Variants in ATP9B observed in about 807,000 individuals in gnomAD.
The protein encoded by ATP9B is ATPase phospholipid transporting 9B.
A neutral mutation model predicts 146.1 loss-of-function variants in ATP9B; 110 were observed. The ratio of observed to expected loss-of-function variants is 0.75; its 90% confidence interval spans 0.65 to 0.88. ATP9B has a LOEUF of 0.88. ATP9B is among the 40% of genes least tolerant of loss of function. ATP9B has a pLI of 0.00. For missense variants in ATP9B, 1,499 were observed against 1,496.4 expected (o/e 1.00, Z -0.03); for synonymous variants, 604 against 569.7 (o/e 1.06, Z -0.86).
chr18:79,303,843 C>G, intron 14 of ATP9B, 127 bp downstream of exon 14: 1 of 579,878 alleles, frequency 1.7e-6, no homozygotes, highest in East Asian at 2.8e-5. Context: ...CCTGCTACTT[C>G]AGTCGTCTGT....
intron 7 of ATP9B, among the ~76,000 whole-genome samples, chr18:79,159,261 C>A (rs1367902521): frequency 2.0e-5 from 3 of 152,128 alleles, no homozygotes; most frequent in Non-Finnish European, 4.4e-5. Flanking sequence ...CAAAATGTAT[C>A]CATTTAAAAT....
chr18:79,298,770 A>G (rs2096570104), intron 13 of ATP9B, among the ~76,000 whole-genome samples: 1 of 146,478 alleles, frequency 6.8e-6, no homozygotes, highest in Non-Finnish European at 1.5e-5. Context: ...ACCAAAGAGG[A>G]TATGGGAACA....
At position 79,132,747 on chromosome 18, in the gene ATP9B, C is replaced by T. The variant is rs1433889422; in HGVS notation, c.667+6372C>T. The stretch of plus-strand genomic sequence containing the variant: ...CATTGATGGCAGCCTCCTTGTGTGC[C>T]TTTCTGTAGTTTGCTGGACCATATT... On this transcript the variant is annotated intron_variant, in intron 5 of 29. Coordinates refer to ENST00000426216, the MANE Select transcript of ATP9B (RefSeq NM_198531.5). Among the ~76,000 whole-genome samples, 4 of 152,250 alleles carry T rather than the reference C, an allele frequency of 2.6e-5. No individual in the cohort carries two copies. In the East Asian group the frequency reaches 7.7e-4, roughly 29 times the overall value.
At chr18:79,127,250 G>GT (rs1481931231) in intron 5 of ATP9B, among the ~76,000 whole-genome samples, 1 of 152,140 alleles carries the variant, frequency 6.6e-6, no homozygotes, top group Non-Finnish European at 1.5e-5. Flanking sequence ...TGTTTTTGGT[G>GT]TATTCATAAA....
At chr18:79,134,293 T>C (rs757813213) in intron 5 of ATP9B, among the ~76,000 whole-genome samples, 3 of 152,206 alleles carry the variant, frequency 2.0e-5, no homozygotes, top group Non-Finnish European at 4.4e-5. Context: ...ATTAAAAGAT[T>C]ATCTTAGAGA....
At chr18:79,325,323 GAAATGACTGC>G (rs1183448701) in intron 15 of ATP9B, among the ~76,000 whole-genome samples, 1 of 152,074 alleles carries the variant, frequency 6.6e-6, no homozygotes, top group Admixed American at 6.6e-5. Flanking sequence ...TTTTGTAACT[GAAATGACTGC>G]AAATGTAGGA....
intron 7 of ATP9B, among the ~76,000 whole-genome samples, chr18:79,163,702 C>T (rs906464455): frequency 2.0e-5 from 3 of 151,658 alleles, no homozygotes; most frequent in African/African-American, 7.3e-5. Context: ...GACAAATAAC[C>T]CCTAACGGTT....
At chr18:79,145,444 AG>A in intron 6 of ATP9B, 1 of 121,594 alleles carries the variant, frequency 8.2e-6, no homozygotes, top group East Asian at 3.4e-4. Flanking sequence ...CTGAAGGTGC[AG>A]GCTGCATGTC....
chr18:79,163,869 T>TACACGCAC lies in ATP9B; in HGVS notation c.778+9318_778+9319insGCACACAC, dbSNP rs71338043. On this transcript the variant is annotated intron_variant, in intron 7 of 29. Coordinates refer to ENST00000426216, the MANE Select transcript of ATP9B (RefSeq NM_198531.5). ...TATTTTATTTTCATATTTTATTTTA[T>TACACGCAC]ACACACACACACACACACACACACA... Among the ~76,000 whole-genome samples, 12 of 142,784 alleles carry TACACGCAC rather than the reference T, an allele frequency of 8.4e-5. No homozygotes were observed. In the East Asian group the frequency reaches 2.5e-3, roughly 29 times the overall value. The allele number at this position is 142,784 out of a possible 152,430, so 93.7% of individuals were successfully genotyped here. A position where few individuals can be genotyped will look rare whatever the true frequency, so the allele number is the denominator to read the frequency against.
chr18:79,336,711 G>A lies in ATP9B; in HGVS notation c.2112G>A (p.Glu704=), dbSNP rs2096829123. 6.2e-7 allele frequency: 1 copy of A among 1,613,774 alleles called. No homozygotes were observed. The highest frequency in any genetic ancestry group is 1.7e-5 in the Admixed American group (1 of 59,998). The stretch of plus-strand genomic sequence containing the variant: ...CAGAGGAGCAGTACCAGGACTTTGA[G>A]GTGAGCCGACTCCCAGCCATCCCAT... The part of the protein sequence containing the change: ...ALTEEQYQDF[E]SRYTQAKLSM... Residue 704 remains glutamate, a splice_region_variant and synonymous_variant, in exon 18 of 30, where the codon GAG becomes GAA. Coordinates refer to ENST00000426216, the MANE Select transcript of ATP9B (RefSeq NM_198531.5).
rs530847109 is a variant in ATP9B, at chr18:79,204,475, T to C, written c.955-2462T>C. ...TCTTTTCCCTTGTAAACATGCAAAT[T>C]TATATTGGGATAATATAATTCTCAG... On this transcript the variant is annotated intron_variant, in intron 9 of 29. Transcript: ENST00000426216. Among the ~76,000 whole-genome samples, 9 of 152,334 alleles carry C rather than the reference T, an allele frequency of 5.9e-5. No individual in the cohort carries two copies. The East Asian group carries it at 1.7e-3, about 29-fold the overall frequency.
intron 13 of ATP9B, among the ~76,000 whole-genome samples, chr18:79,298,478 A>G (rs978171995): frequency 1.4e-5 from 2 of 146,924 alleles, no homozygotes; most frequent in Admixed American, 7.0e-5. Flanking sequence ...AAATAAACAC[A>G]GTGATTTTGC....
At chr18:79,356,354 C>CA (rs1269814600) in intron 25 of ATP9B, among the ~76,000 whole-genome samples, 4 of 152,050 alleles carry the variant, frequency 2.6e-5, no homozygotes, top group African/African-American at 7.2e-5. Flanking sequence ...ACCTAGCACT[C>CA]ACGCTCCTGG....
At chr18:79,313,941 A>C (rs2096665950) in intron 15 of ATP9B, among the ~76,000 whole-genome samples, 1 of 152,218 alleles carries the variant, frequency 6.6e-6, no homozygotes, top group African/African-American at 2.4e-5. Flanking sequence ...CAAGTCCCTA[A>C]AGCCTCAGGA....
chr18:79,122,150 A>G (rs1000470536), intron 4 of ATP9B, among the ~76,000 whole-genome samples: 1 of 152,186 alleles, frequency 6.6e-6, no homozygotes, highest in Non-Finnish European at 1.5e-5. Flanking sequence ...GGTGATTATG[A>G]TATGCTTACC....
At chr18:79,262,224 A>G (rs2145330134) in intron 12 of ATP9B, among the ~76,000 whole-genome samples, 1 of 151,478 alleles carries the variant, frequency 6.6e-6, no homozygotes, top group South Asian at 2.1e-4. Flanking sequence ...AACAAAAGCC[A>G]AAAACCATTC....
intron 12 of ATP9B, among the ~76,000 whole-genome samples, chr18:79,256,286 T>TATATATATATATATACACAC (rs398033647): frequency 6.5e-5 from 8 of 123,050 alleles, no homozygotes; most frequent in African/African-American, 1.3e-4. Context: ...TATATATATA[T>TATATATATATATATACACAC]ACATACATAG....
intron 7 of ATP9B, among the ~76,000 whole-genome samples, chr18:79,161,904 A>G (rs1020875350): frequency 6.6e-6 from 1 of 152,230 alleles, no homozygotes; most frequent in Non-Finnish European, 1.5e-5. Context: ...AAATAGACCA[A>G]ATAGCTTTCA....
chr18:79,248,562 A>T (rs2095991698), intron 11 of ATP9B, among the ~76,000 whole-genome samples: 1 of 152,222 alleles, frequency 6.6e-6, no homozygotes, highest in Non-Finnish European at 1.5e-5. Context: ...CTGATGAAAG[A>T]CAAGCAGTGT....
Sources: gnomAD v4.1 joint callset for allele counts (sites outside exome capture counted in the v4.1 genomes callset) on GRCh38, gnomAD v4.1.1 for gene constraint, MANE v1.5 for transcripts, NCBI Gene and HGNC (gene_info 2026-07-23, HGNC 2026-07-21) for gene names.